Variants in DPP10 observed in about 807,000 individuals in gnomAD.
DPP10 encodes the protein inactive dipeptidyl peptidase 10.
A neutral mutation model predicts 120.9 loss-of-function variants in DPP10; 33 were observed. The ratio of observed to expected loss-of-function variants is 0.27; its 90% CI spans 0.21 to 0.37. The LOEUF (loss-of-function observed/expected upper bound fraction) is 0.37, where lower values mean the gene tolerates loss of function less well. Among genes scored for constraint, DPP10 ranks in the 10% least tolerant of loss-of-function variants. The pLI is 1.00. For synonymous variants in DPP10, 337 were observed against 326.1 expected (o/e 1.03, Z -0.36); for missense variants, 816 against 942.8 (o/e 0.87, Z 1.76).
At chr2:115,374,127 T>C (rs940038909) in intron 3 of DPP10, among the ~76,000 whole-genome samples, 5 of 152,066 alleles carry the variant, frequency 3.3e-5, no homozygotes, top group Non-Finnish European at 7.3e-5. Flanking sequence ...CTCATGTCCT[T>C]CTCACATTTC....
chr2:114,777,312 A>G (rs1198930185), intron 1 of DPP10, among the ~76,000 whole-genome samples: 1 of 152,138 alleles, frequency 6.6e-6, no homozygotes, highest in Non-Finnish European at 1.5e-5. Flanking sequence ...TCCTGGTCCA[A>G]CTTTTTTGAA....
chr2:115,115,531 A>G (rs534142967), intron 1 of DPP10, among the ~76,000 whole-genome samples: 3 of 152,292 alleles, frequency 2.0e-5, no homozygotes, highest in South Asian at 4.1e-4. Flanking sequence ...GTGGATGCAC[A>G]TGCCAAATCT....
chr2:114,462,660 G>A (rs1009681441), intron 1 of DPP10, among the ~76,000 whole-genome samples: 1 of 152,104 alleles, frequency 6.6e-6, no homozygotes, highest in Non-Finnish European at 1.5e-5. Context: ...TAGCTCACTT[G>A]GCTAAGACAG....
At chr2:114,618,659 CAAAACAA>C (rs976572044) in intron 1 of DPP10, among the ~76,000 whole-genome samples, 2 of 151,740 alleles carry the variant, frequency 1.3e-5, no homozygotes, top group African/African-American at 4.8e-5. Flanking sequence ...AAAATATAAT[CAAAACAA>C]AAGTAACAAA....
At chr2:115,473,718 G>C (rs1005842259) in intron 3 of DPP10, among the ~76,000 whole-genome samples, 1 of 152,150 alleles carries the variant, frequency 6.6e-6, no homozygotes, top group Admixed American at 6.5e-5. Flanking sequence ...TGACTACTTA[G>C]AGTTTTAGGA....
At chr2:114,732,227 C>T (rs1375695467) in intron 1 of DPP10, among the ~76,000 whole-genome samples, 1 of 152,166 alleles carries the variant, frequency 6.6e-6, no homozygotes, top group Non-Finnish European at 1.5e-5. Context: ...AGTTCTAGAC[C>T]TCCTGAAGTT....
chr2:114,942,411 AT>A (rs1697029937), intron 1 of DPP10, among the ~76,000 whole-genome samples: 1 of 145,904 alleles, frequency 6.9e-6, no homozygotes, highest in Non-Finnish European at 1.5e-5. Context: ...ACATATATAT[AT>A]ATATATATAT....
At chr2:114,697,595 A>G (rs1353236704) in intron 1 of DPP10, among the ~76,000 whole-genome samples, 4 of 151,894 alleles carry the variant, frequency 2.6e-5, no homozygotes, top group African/African-American at 4.8e-5. Flanking sequence ...CCAAAAATAT[A>G]ATAAATTAGC....
At chr2:114,781,458 T>C (rs1284720451) in intron 1 of DPP10, among the ~76,000 whole-genome samples, 1 of 152,072 alleles carries the variant, frequency 6.6e-6, no homozygotes, top group Non-Finnish European at 1.5e-5. Flanking sequence ...TATTATTCTT[T>C]TGCAGAGGGG....
At chr2:115,800,327 G>A (rs1485599882) in intron 19 of DPP10, among the ~76,000 whole-genome samples, 1 of 151,840 alleles carries the variant, frequency 6.6e-6, no homozygotes, top group African/African-American at 2.4e-5. Flanking sequence ...TGTAGATTCT[G>A]GATATTAGCC....
chr2:114,898,758 T>G (rs1343748796), intron 1 of DPP10, among the ~76,000 whole-genome samples: 1 of 152,220 alleles, frequency 6.6e-6, no homozygotes, highest in Non-Finnish European at 1.5e-5. Context: ...CTCTCAAAGA[T>G]ATCGTGTTGC....
intron 5 of DPP10, among the ~76,000 whole-genome samples, chr2:115,684,839 A>G (rs894888996): frequency 3.3e-5 from 5 of 151,968 alleles, no homozygotes; most frequent in Non-Finnish European, 1.5e-5. Flanking sequence ...CTGATAGATC[A>G]TGTTTCCAAA....
chr2:115,162,046 C>T (rs1415689013), intron 1 of DPP10: 2 of 1,417,136 alleles, frequency 1.4e-6, no homozygotes, highest in Non-Finnish European at 1.8e-6. Flanking sequence ...TCGGCAGCCG[C>T]GGCCAGGCCC....
chr2:115,214,547 A>G (rs1422152684), intron 1 of DPP10, among the ~76,000 whole-genome samples: 3 of 152,168 alleles, frequency 2.0e-5, no homozygotes, highest in Non-Finnish European at 4.4e-5. Context: ...GTAGGGAAAT[A>G]TTGATCAATA....
At chr2:114,734,340 A>G (rs1677212466) in intron 1 of DPP10, among the ~76,000 whole-genome samples, 2 of 152,140 alleles carry the variant, frequency 1.3e-5, no homozygotes, top group Non-Finnish European at 2.9e-5. Flanking sequence ...CCCTCTGCAC[A>G]ATAAAACTTG....
At chr2:115,436,909 G>A (rs1242747737) in intron 3 of DPP10, among the ~76,000 whole-genome samples, 2 of 151,644 alleles carry the variant, frequency 1.3e-5, no homozygotes, top group Non-Finnish European at 2.9e-5. Context: ...TAATATTCTA[G>A]CCTACCAATA....
At chr2:114,831,501 A>T (rs981227694) in intron 1 of DPP10, among the ~76,000 whole-genome samples, 3 of 152,182 alleles carry the variant, frequency 2.0e-5, no homozygotes, top group African/African-American at 7.2e-5. Flanking sequence ...TTTATGGCAA[A>T]GAAGAGTGAT....
At chr2:115,451,591 G>A (rs1031971923) in intron 3 of DPP10, among the ~76,000 whole-genome samples, 2 of 151,802 alleles carry the variant, frequency 1.3e-5, no homozygotes, top group African/African-American at 4.8e-5. Context: ...TGTTGTCAAG[G>A]GAAGTCAGCT....
intron 3 of DPP10, among the ~76,000 whole-genome samples, chr2:115,382,516 C>G (rs2066477111): frequency 6.6e-6 from 1 of 152,212 alleles, no homozygotes; most frequent in South Asian, 2.1e-4. Flanking sequence ...AATCACTGGT[C>G]TTCTGCATCT....
Sources: gnomAD v4.1 joint callset for allele counts (sites outside exome capture counted in the v4.1 genomes callset) on GRCh38, gnomAD v4.1.1 for gene constraint, MANE v1.5 for transcripts, NCBI Gene and HGNC (gene_info 2026-07-23, HGNC 2026-07-21) for gene names.